Variants in ST6GALNAC3 observed in about 807,000 individuals in gnomAD.
ST6GALNAC3 encodes ST6 N-acetylgalactosaminide alpha-2,6-sialyltransferase 3.
ST6GALNAC3 carries 25 observed loss-of-function variants against 32.7 expected under a neutral mutation model. The observed-to-expected ratio is 0.76, with a 90% confidence interval of 0.56 to 1.07. The LOEUF is 1.07. Among genes scored for constraint, ST6GALNAC3 ranks in the 50% least tolerant of loss-of-function variants. The pLI, the probability that ST6GALNAC3 is intolerant of heterozygous loss-of-function variation, is 0.00. For missense variants in ST6GALNAC3, 355 were observed against 382.4 expected, an observed-to-expected ratio of 0.93 and a Z score of 0.60; for synonymous variants, 129 against 133.1, an observed-to-expected ratio of 0.97 and a Z score of 0.21.
At chr1:76,248,991 TC>T (rs1228736296) in intron 1 of ST6GALNAC3, among the ~76,000 whole-genome samples, 1 of 152,202 alleles carries the variant, frequency 6.6e-6, no homozygotes, top group African/African-American at 2.4e-5. Context: ...AGACTAGTGT[TC>T]CCCTCTTACT....
intron 1 of ST6GALNAC3, among the ~76,000 whole-genome samples, chr1:76,210,050 T>C (rs1204322006): frequency 6.6e-6 from 1 of 152,122 alleles, no homozygotes; most frequent in Non-Finnish European, 1.5e-5. Context: ...TGCGTTTTTT[T>C]TTTTCTTTTC....
At chr1:76,618,970 C>T (rs554519965) in intron 3 of ST6GALNAC3, among the ~76,000 whole-genome samples, 1 of 152,232 alleles carries the variant, frequency 6.6e-6, no homozygotes, top group Non-Finnish European at 1.5e-5. Flanking sequence ...AATCTGTGGT[C>T]ACTGACACAA....
At chr1:76,123,548 A>G (rs1244041019) in intron 1 of ST6GALNAC3, among the ~76,000 whole-genome samples, 2 of 151,914 alleles carry the variant, frequency 1.3e-5, no homozygotes, top group Non-Finnish European at 2.9e-5. Flanking sequence ...GTGTGTGGCC[A>G]GTAAGGGGGT....
chr1:76,326,142 A>G (rs1013990543), intron 2 of ST6GALNAC3, among the ~76,000 whole-genome samples: 1 of 152,182 alleles, frequency 6.6e-6, no homozygotes, highest in African/African-American at 2.4e-5. Flanking sequence ...CAAAGCTGCA[A>G]GTTGGGTCCT....
intron 1 of ST6GALNAC3, among the ~76,000 whole-genome samples, chr1:76,123,674 T>A (rs1649041196): frequency 6.6e-6 from 1 of 151,850 alleles, no homozygotes; most frequent in South Asian, 2.1e-4. Context: ...TATCGAATAC[T>A]GAATAATAGT....
chr1:76,485,544 T>G (rs998171881), intron 3 of ST6GALNAC3, among the ~76,000 whole-genome samples: 2 of 152,250 alleles, frequency 1.3e-5, no homozygotes, highest in African/African-American at 4.8e-5. Context: ...TGGTTGTTTG[T>G]ATTTCTGTGG....
At chr1:76,600,757 A>T (rs952020674) in intron 3 of ST6GALNAC3, among the ~76,000 whole-genome samples, 23 of 152,352 alleles carry the variant, frequency 1.5e-4, no homozygotes, top group African/African-American at 4.8e-4. Flanking sequence ...ATGAATATGG[A>T]TTGGCTTTAA....
chr1:76,421,134 T>A (rs1655004142), intron 3 of ST6GALNAC3, among the ~76,000 whole-genome samples: 1 of 152,096 alleles, frequency 6.6e-6, no homozygotes, highest in Non-Finnish European at 1.5e-5. Context: ...AATATCTTTT[T>A]TAAGCTTAAA....
intron 3 of ST6GALNAC3, among the ~76,000 whole-genome samples, chr1:76,587,346 G>A (rs1646976943): frequency 6.6e-6 from 1 of 152,140 alleles, no homozygotes. Context: ...CTGACTGGCT[G>A]GTCCCCATGG....
intron 1 of ST6GALNAC3, among the ~76,000 whole-genome samples, chr1:76,136,876 C>CT (rs1424394965): frequency 6.6e-6 from 1 of 152,136 alleles, no homozygotes; most frequent in Non-Finnish European, 1.5e-5. Context: ...AATGGCAGTT[C>CT]TCATACAAAT....
At chr1:76,423,875 A>T (rs534202716) in intron 3 of ST6GALNAC3, among the ~76,000 whole-genome samples, 51 of 152,060 alleles carry the variant, frequency 3.4e-4, no homozygotes, top group Admixed American at 4.6e-4. Context: ...TTTGGGAAGG[A>T]TTGTCAATCT....
intron 2 of ST6GALNAC3, among the ~76,000 whole-genome samples, chr1:76,404,221 C>G (rs1359491255): frequency 1.3e-5 from 2 of 152,056 alleles, no homozygotes; most frequent in Non-Finnish European, 2.9e-5. Flanking sequence ...GTTATCAAAT[C>G]TGTCTTTTTA....
intron 3 of ST6GALNAC3, among the ~76,000 whole-genome samples, chr1:76,457,068 C>T (rs1186710782): frequency 6.6e-6 from 1 of 151,806 alleles, no homozygotes; most frequent in South Asian, 2.1e-4. Context: ...AACAGACAAA[C>T]AGAGAGCCAA....
chr1:76,499,230 A>G (rs1351701738), intron 3 of ST6GALNAC3, among the ~76,000 whole-genome samples: 2 of 152,318 alleles, frequency 1.3e-5, no homozygotes, highest in Non-Finnish European at 2.9e-5. Context: ...TATGGGGAAA[A>G]ACTGTTGGTG....
intron 1 of ST6GALNAC3, among the ~76,000 whole-genome samples, chr1:76,128,539 C>G (rs1463039841): frequency 1.3e-5 from 2 of 152,196 alleles, no homozygotes; most frequent in Admixed American, 6.5e-5. Flanking sequence ...GGAGGGATGA[C>G]AGGCTGAGCA....
At chr1:76,305,664 A>G (rs2100864339) in intron 1 of ST6GALNAC3, among the ~76,000 whole-genome samples, 2 of 152,262 alleles carry the variant, frequency 1.3e-5, no homozygotes, top group South Asian at 4.1e-4. Flanking sequence ...AAAACCCAGC[A>G]ATTATTACTT....
chr1:76,392,309 C>G (rs950408618), intron 2 of ST6GALNAC3, among the ~76,000 whole-genome samples: 1 of 152,152 alleles, frequency 6.6e-6, no homozygotes, highest in East Asian at 1.9e-4. Flanking sequence ...TTCTCAACAA[C>G]TTATCACATT....
At chr1:76,474,368 G>A (rs1659217684) in intron 3 of ST6GALNAC3, among the ~76,000 whole-genome samples, 1 of 152,114 alleles carries the variant, frequency 6.6e-6, no homozygotes, top group Non-Finnish European at 1.5e-5. Flanking sequence ...GAGAGCAGTA[G>A]GTGGCAAGGT....
At chr1:76,324,609 C>A (rs191270679) in intron 2 of ST6GALNAC3, among the ~76,000 whole-genome samples, 1 of 152,036 alleles carries the variant, frequency 6.6e-6, no homozygotes, top group Non-Finnish European at 1.5e-5. Flanking sequence ...TTATCAAAAA[C>A]GAGGAAAGTC....
Sources: allele counts gnomAD v4.1 joint callset (sites outside exome capture counted in the v4.1 genomes callset), GRCh38; gene constraint gnomAD v4.1.1; transcripts MANE v1.5; gene names NCBI Gene and HGNC (gene_info 2026-07-23, HGNC 2026-07-21).